The following IMMP1L variants were observed in gnomAD, a reference collection of about 807,000 sequenced individuals.
The protein encoded by IMMP1L is mitochondrial inner membrane protease subunit 1.
A neutral mutation model predicts 21.8 loss-of-function variants in IMMP1L; 24 were observed. The observed-to-expected ratio is 1.10, with a 90% confidence interval of 0.80 to 1.55. IMMP1L has a LOEUF of 1.55. IMMP1L is among the 40% of genes most tolerant of loss of function. IMMP1L has a pLI of 0.00. For synonymous variants in IMMP1L, 46 were observed against 62.8 expected (o/e 0.73, Z 1.26); for missense variants, 195 against 200.7 (o/e 0.97, Z 0.17).
At chr11:31,446,452 G>A (rs963543862) in intron 4 of IMMP1L, among the ~76,000 whole-genome samples, 8 of 152,124 alleles carry the variant, frequency 5.3e-5, no homozygotes, top group Admixed American at 4.6e-4. Flanking sequence ...ACTGAGCCTT[G>A]TTTAATTCTT....
intron 1 of IMMP1L, among the ~76,000 whole-genome samples, chr11:31,476,388 T>C (rs538283178): frequency 2.0e-5 from 3 of 152,214 alleles, no homozygotes; most frequent in East Asian, 1.9e-4. Context: ...GGGAACTCTG[T>C]ATAAATTTAT....
At chr11:31,493,530 C>T (rs1955325129) in intron 1 of IMMP1L, among the ~76,000 whole-genome samples, 1 of 152,086 alleles carries the variant, frequency 6.6e-6, no homozygotes, top group Admixed American at 6.6e-5. Flanking sequence ...CATATCATTC[C>T]ACCCCAGCCC....
chr11:31,455,928 G>A (rs1360051279), intron 4 of IMMP1L, among the ~76,000 whole-genome samples: 1 of 151,974 alleles, frequency 6.6e-6, no homozygotes, highest in African/African-American at 2.4e-5. Context: ...CACCTCTAAG[G>A]TTTTTTCCCT....
intron 4 of IMMP1L, among the ~76,000 whole-genome samples, chr11:31,437,974 A>G (rs1055054175): frequency 6.6e-6 from 1 of 152,200 alleles, no homozygotes; most frequent in Admixed American, 6.5e-5. Flanking sequence ...ATGTTTATCT[A>G]TGAAACTGGA....
chr11:31,482,704 G>C (rs1299790515), intron 1 of IMMP1L, among the ~76,000 whole-genome samples: 1 of 152,032 alleles, frequency 6.6e-6, no homozygotes, highest in East Asian at 1.9e-4. Context: ...AAAAAAACGA[G>C]TGTTGGAAAC....
chr11:31,432,502 A>C lies in IMMP1L; in HGVS notation c.499T>G (p.Ter167GluextTer1). 2 of 1,607,592 alleles carry C rather than the reference A, an allele frequency of 1.2e-6. No individual in the cohort carries two copies. Among genetic ancestry groups the C allele is most frequent in the Non-Finnish European group, 8.5e-7 (1 of 1,174,872 alleles). ...CAAGTCAAAAGAATAAATGCTTACT[A>C]ATCATCAGAAAATCTGTGGCCATTA... ...SPNGHRFSDD* is the reference protein window; with the variant it reads ...SPNGHRFSDDE The change falls in exon 6 of 6, where the codon TAG becomes GAG. Residue 167 changes from the stop codon to glutamate (E), a stop_lost. Transcript: ENST00000532287.
At position 31,446,742 on chromosome 11, in the gene IMMP1L, T is replaced by G. The variant is rs552988238; in HGVS notation, c.321+9518A>C. On this transcript the variant is annotated intron_variant, in intron 4 of 5. Transcript: ENST00000532287. Reference sequence around the variant, plus strand: ...TTTAAAACTTCAACTCAGGTTTCACTTTCCCATTCTGGAAAAATCCCATCT... The same window carrying G: ...TTTAAAACTTCAACTCAGGTTTCACGTTCCCATTCTGGAAAAATCCCATCT... 1.2e-4 allele frequency among the ~76,000 whole-genome samples: 18 copies of G among 152,312 alleles called. No individual in the cohort carries two copies. In the East Asian group the frequency reaches 3.5e-3, roughly 29 times the overall value.
At chr11:31,451,413 T>A (rs1180354199) in intron 4 of IMMP1L, among the ~76,000 whole-genome samples, 2 of 152,174 alleles carry the variant, frequency 1.3e-5, no homozygotes, top group African/African-American at 4.8e-5. Flanking sequence ...AACTAATGGA[T>A]GGTAGCAGTG....
chr11:31,435,590 AC>A (rs1953091724), intron 4 of IMMP1L, among the ~76,000 whole-genome samples: 1 of 152,174 alleles, frequency 6.6e-6, no homozygotes, highest in Admixed American at 6.5e-5. Flanking sequence ...AAAAAATGAT[AC>A]CTTTGTCTTA....
intron 1 of IMMP1L, among the ~76,000 whole-genome samples, chr11:31,465,644 A>G (rs1171145221): frequency 7.2e-5 from 11 of 152,142 alleles, no homozygotes; most frequent in Admixed American, 7.2e-4. Flanking sequence ...AAATCCATGT[A>G]TTTACAGCCA....
intron 4 of IMMP1L, among the ~76,000 whole-genome samples, chr11:31,448,182 G>A (rs1423856613): frequency 2.0e-5 from 3 of 152,142 alleles, no homozygotes; most frequent in Non-Finnish European, 4.4e-5. Flanking sequence ...GGTGGCAAGC[G>A]CCTGCAGTCC....
chr11:31,490,054 C>T (rs1169947003), intron 1 of IMMP1L, among the ~76,000 whole-genome samples: 5 of 152,092 alleles, frequency 3.3e-5, no homozygotes, highest in Non-Finnish European at 7.3e-5. Context: ...TAGAGACAAC[C>T]ACTATTCTAA....
At chr11:31,503,553 TATTTA>T (rs1955691923) in intron 1 of IMMP1L, among the ~76,000 whole-genome samples, 2 of 152,172 alleles carry the variant, frequency 1.3e-5, no homozygotes, top group African/African-American at 4.8e-5. Flanking sequence ...CAATTGCTGA[TATTTA>T]TTTATCAGCA....
chr11:31,505,978 G>A (rs1381396057), intron 1 of IMMP1L, among the ~76,000 whole-genome samples: 1 of 152,172 alleles, frequency 6.6e-6, no homozygotes, highest in Non-Finnish European at 1.5e-5. Context: ...AGTTAAGTTT[G>A]GGAGGGGTCA....
intron 2 of IMMP1L, among the ~76,000 whole-genome samples, chr11:31,461,218 A>C (rs1954128425): frequency 6.6e-6 from 1 of 152,204 alleles, no homozygotes; most frequent in Non-Finnish European, 1.5e-5. Flanking sequence ...TTCCTCTTCC[A>C]AGAGAATAGC....
At chr11:31,444,146 C>T (rs1847723890) in intron 4 of IMMP1L, among the ~76,000 whole-genome samples, 1 of 152,110 alleles carries the variant, frequency 6.6e-6, no homozygotes, top group Admixed American at 6.6e-5. Flanking sequence ...AGTTAAGCAC[C>T]TTGGGCAAGT....
intron 4 of IMMP1L, among the ~76,000 whole-genome samples, chr11:31,437,368 C>A (rs1418739701): frequency 2.0e-5 from 3 of 152,100 alleles, no homozygotes; most frequent in African/African-American, 7.2e-5. Context: ...TATGACTCGT[C>A]ATGTGAAGTC....
At chr11:31,436,601 T>A (rs140688704) in intron 4 of IMMP1L, among the ~76,000 whole-genome samples, 127 of 152,092 alleles carry the variant, frequency 8.4e-4, no homozygotes, top group African/African-American at 2.7e-3. Context: ...CCCAGCTAAT[T>A]TTTCTATTTC....
intron 3 of IMMP1L, among the ~76,000 whole-genome samples, chr11:31,457,368 T>C (rs2133638842): frequency 6.6e-6 from 1 of 152,250 alleles, no homozygotes; most frequent in East Asian, 1.9e-4. Context: ...AACGTAGGAC[T>C]AATGACCACA....
Sources: allele counts gnomAD v4.1 joint callset (sites outside exome capture counted in the v4.1 genomes callset), GRCh38; gene constraint gnomAD v4.1.1; transcripts MANE v1.5; gene names NCBI Gene and HGNC (gene_info 2026-07-23, HGNC 2026-07-21).